The following TSPAN2 variants were observed in gnomAD, a reference collection of about 807,000 sequenced individuals.
The protein encoded by TSPAN2 is tetraspanin 2.
Under a neutral mutation model 33.3 loss-of-function variants are expected in TSPAN2, and 24 were observed. That is an observed-to-expected ratio of 0.72 (90% CI 0.52 to 1.01). The LOEUF (loss-of-function observed/expected upper bound fraction) is 1.01. TSPAN2 is among the 50% of genes least tolerant of loss of function. The probability of loss-of-function intolerance (pLI) is 0.00; values close to 1 mark genes in which losing one functional copy is unlikely to be tolerated. For missense variants in TSPAN2, 278 were observed against 281.3 expected, an observed-to-expected ratio of 0.99 and a Z score of 0.08; for synonymous variants, 114 against 104.5, an observed-to-expected ratio of 1.09 and a Z score of -0.56.
intron 1 of TSPAN2, among the ~76,000 whole-genome samples, chr1:115,080,332 G>A (rs963385967): frequency 1.3e-5 from 2 of 152,104 alleles, no homozygotes; most frequent in Non-Finnish European, 2.9e-5. Context: ...TGCCCAGGCT[G>A]GAGTGCAGTG....
intron 2 of TSPAN2, among the ~76,000 whole-genome samples, chr1:115,070,810 A>G (rs1329246473): frequency 6.6e-6 from 1 of 152,152 alleles, no homozygotes; most frequent in East Asian, 1.9e-4. Context: ...TTAGTCACAT[A>G]CTAATTTTTA....
At chr1:115,063,366 A>G (rs564827738) in intron 2 of TSPAN2, among the ~76,000 whole-genome samples, 2 of 152,370 alleles carry the variant, frequency 1.3e-5, no homozygotes, top group South Asian at 4.1e-4. Context: ...CAAAACCACA[A>G]TGAGATACCA....
Position 115,059,119 on chromosome 1 carries a change from G to C in TSPAN2, c.346-138C>G. On this transcript the variant is annotated intron_variant, in intron 4 of 7. Transcript: ENST00000369516. ...TAAGAATGATACAATGGACTTTGGGGACTCAGGGGAAAGGGTAGGAGTGAG... is the reference window on the plus strand; with the variant it reads ...TAAGAATGATACAATGGACTTTGGGCACTCAGGGGAAAGGGTAGGAGTGAG... 7 of 701,868 alleles carry C rather than the reference G, an allele frequency of 1.0e-5. No individual in the cohort carries two copies. The East Asian group carries it at 1.6e-4, about 16-fold the overall frequency. The allele number at this position is 701,868 out of a possible 1,614,324, so 43.5% of individuals were successfully genotyped here. A position where few individuals can be genotyped will look rare whatever the true frequency, so the allele number is the denominator to read the frequency against.
chr1:115,073,343 C>T (rs1648263122), intron 1 of TSPAN2, among the ~76,000 whole-genome samples: 1 of 152,218 alleles, frequency 6.6e-6, no homozygotes, highest in South Asian at 2.1e-4. Context: ...CTCTGGAAGG[C>T]ATCTGCCCCT....
chr1:115,052,919 T>G (rs989760657), intron 7 of TSPAN2, among the ~76,000 whole-genome samples: 6 of 152,206 alleles, frequency 3.9e-5, no homozygotes, highest in African/African-American at 1.4e-4. Flanking sequence ...GAAATTTTCC[T>G]GCGATCTCAG....
At chr1:115,061,786 C>T (rs2101029277) in intron 3 of TSPAN2, among the ~76,000 whole-genome samples, 1 of 152,238 alleles carries the variant, frequency 6.6e-6, no homozygotes, top group Admixed American at 6.5e-5. Flanking sequence ...GATCCTCCTG[C>T]CTCAGCCTCC....
intron 2 of TSPAN2, among the ~76,000 whole-genome samples, chr1:115,065,823 T>C (rs2335724): frequency 0.32 from 48,625 of 152,090 alleles, 8,207 homozygotes; most frequent in South Asian, 0.51. Flanking sequence ...TTTCCTACTG[T>C]TCTATAGAAT....
rs796126884 is a variant in TSPAN2, at chr1:115,072,997, G to C, written c.80C>G (p.Ser27Trp). The change falls in exon 2 of 8, where the codon TCG becomes TGG. Residue 27 changes from serine to tryptophan, a missense_variant. Ser to Trp is a radical substitution (Grantham distance 177). Transcript: ENST00000369516. The stretch of plus-strand genomic sequence containing the variant: ...CCATAGTCCAAAAGCAATGACGGCC[G>C]ATCCAGCCAGCTGGAAGGCAAACGA... ...GFNLLFWLAG[S>W]AVIAFGLWFR... 1.9e-6 allele frequency: 3 copies of C among 1,614,120 alleles called. No homozygotes were observed. Among genetic ancestry groups the C allele is most frequent in the Non-Finnish European group, 2.5e-6 (3 of 1,179,994 alleles).
intron 4 of TSPAN2, among the ~76,000 whole-genome samples, chr1:115,060,222 T>C (rs1397100724): frequency 6.6e-6 from 1 of 152,112 alleles, no homozygotes; most frequent in Non-Finnish European, 1.5e-5. Context: ...TTTGGTTTTA[T>C]TATAGACCAC....
rs1010647874 is a variant in TSPAN2 at position 115,048,776 on chromosome 1, A to T, written c.*1714T>A. The T allele has an allele frequency of 6.6e-5, 10 of 152,068 alleles. No individual in the cohort carries two copies. The highest frequency in any genetic ancestry group is 1.9e-4 in the African/African-American group (8 of 41,436). 9.4% of individuals were successfully genotyped at this position (152,068 alleles called of 1,614,324 possible). A position where few individuals can be genotyped will look rare whatever the true frequency, so the allele number is the denominator to read the frequency against. On this transcript the variant is annotated 3_prime_UTR_variant, in exon 8 of 8. Coordinates refer to ENST00000369516, the MANE Select transcript of TSPAN2 (RefSeq NM_005725.6). The stretch of plus-strand genomic sequence containing the variant: ...TTCATGAAGTAATTTTTGTAAAATA[A>T]TTTTTCTTTAGCTACAGACACAGTA...
In TSPAN2 at chr1:115,059,550, A is replaced by G. The variant is rs957256349; in HGVS notation, c.346-569T>C. Among the ~76,000 whole-genome samples, 6 of 152,360 alleles carry G rather than the reference A, an allele frequency of 3.9e-5. No individual in the cohort carries two copies. In the East Asian group the frequency reaches 1.2e-3, roughly 29 times the overall value. ...TACATTCCTGTTACCCCATTGGTTA[A>G]AAGCATTCAAATCTTTTTATGACGT... On this transcript the variant is annotated intron_variant, in intron 4 of 7. Coordinates refer to ENST00000369516, the MANE Select transcript of TSPAN2 (RefSeq NM_005725.6).
chr1:115,063,144 C>G (rs1647801581), intron 2 of TSPAN2, among the ~76,000 whole-genome samples: 1 of 152,148 alleles, frequency 6.6e-6, no homozygotes, highest in African/African-American at 2.4e-5. Context: ...GCCCCACTAC[C>G]TCAACACTTT....
intron 6 of TSPAN2, among the ~76,000 whole-genome samples, chr1:115,055,993 G>A (rs185468677): frequency 6.6e-5 from 10 of 152,228 alleles, no homozygotes; most frequent in African/African-American, 1.9e-4. Flanking sequence ...AATAAACTCC[G>A]AGAAGTGGAA....
chr1:115,060,365 T>A (rs1019802194), intron 4 of TSPAN2, 99 bp downstream of exon 4: 11 of 980,172 alleles, frequency 1.1e-5, no homozygotes, highest in African/African-American at 3.3e-5. Flanking sequence ...GTTTAAACTA[T>A]AATAATGGGG....
chr1:115,074,490 G>A (rs1306587231), intron 1 of TSPAN2, among the ~76,000 whole-genome samples: 5 of 152,174 alleles, frequency 3.3e-5, no homozygotes, highest in Non-Finnish European at 5.9e-5. Flanking sequence ...TTAGAGGAAA[G>A]CACTAATTGG....
At chr1:115,076,355 T>G (rs1648412822) in intron 1 of TSPAN2, among the ~76,000 whole-genome samples, 1 of 152,018 alleles carries the variant, frequency 6.6e-6, no homozygotes, top group Non-Finnish European at 1.5e-5. Context: ...TTTGCTACCA[T>G]CTTGGAAAGC....
At chr1:115,070,985 G>A (rs957917377) in intron 2 of TSPAN2, among the ~76,000 whole-genome samples, 5 of 152,042 alleles carry the variant, frequency 3.3e-5, no homozygotes, top group Non-Finnish European at 5.9e-5. Context: ...ATATTTTTTT[G>A]TCTCAAATGT....
chr1:115,052,817 T>C (rs1399192693), intron 7 of TSPAN2, among the ~76,000 whole-genome samples: 2 of 152,238 alleles, frequency 1.3e-5, no homozygotes, highest in Non-Finnish European at 2.9e-5. Context: ...TTTGTAATAC[T>C]ACTGTATATG....
chr1:115,074,888 C>G (rs1310688033), intron 1 of TSPAN2, among the ~76,000 whole-genome samples: 1 of 152,044 alleles, frequency 6.6e-6, no homozygotes, highest in Non-Finnish European at 1.5e-5. Context: ...CTAGAAGCAT[C>G]TGGAGGCTGC....
Sources: allele counts gnomAD v4.1 joint callset (sites outside exome capture counted in the v4.1 genomes callset), GRCh38; gene constraint gnomAD v4.1.1; transcripts MANE v1.5; gene names NCBI Gene and HGNC (gene_info 2026-07-23, HGNC 2026-07-21).